Variants in CADM2 observed in about 807,000 individuals in gnomAD.
The protein encoded by CADM2 is immunoglobulin superfamily member 4D.
In CADM2, 12 loss-of-function variants were observed where a neutral mutation model predicts 49.8. The observed-to-expected ratio is 0.24, with a 90% CI of 0.15 to 0.39. The LOEUF is 0.39. Among genes scored for constraint, CADM2 ranks in the 10% least tolerant of loss-of-function variants. The pLI is 1.00. For synonymous variants in CADM2, 214 were observed against 175.4 expected (o/e 1.22, Z -1.74); for missense variants, 378 against 492.3 (o/e 0.77, Z 2.20).
intron 3 of CADM2, among the ~76,000 whole-genome samples, chr3:85,867,818 C>A (rs546207065): frequency 2.0e-5 from 3 of 152,126 alleles, no homozygotes; most frequent in South Asian, 2.1e-4. Flanking sequence ...TATAAGAAGA[C>A]CTTCACGTGA....
At chr3:85,878,022 GT>G (rs1712181611) in intron 3 of CADM2, among the ~76,000 whole-genome samples, 1 of 152,008 alleles carries the variant, frequency 6.6e-6, no homozygotes, top group African/African-American at 2.4e-5. Context: ...CATCATAAGT[GT>G]TTGTGAACTT....
chr3:85,129,450 C>A (rs1318418030), intron 1 of CADM2, among the ~76,000 whole-genome samples: 1 of 152,072 alleles, frequency 6.6e-6, no homozygotes, highest in East Asian at 1.9e-4. Flanking sequence ...TTTTCTCTTT[C>A]TTTCCTGTAA....
chr3:85,488,412 G>A (rs574521706), intron 1 of CADM2, among the ~76,000 whole-genome samples: 24 of 152,280 alleles, frequency 1.6e-4, no homozygotes, highest in Non-Finnish European at 2.9e-4. Flanking sequence ...CATGGTAGCC[G>A]TGATGGGAAT....
At chr3:85,453,438 C>A (rs1277902394) in intron 1 of CADM2, among the ~76,000 whole-genome samples, 1 of 151,996 alleles carries the variant, frequency 6.6e-6, no homozygotes, top group East Asian at 1.9e-4. Context: ...AAGAGACCCT[C>A]TTCAATTCAC....
intron 1 of CADM2, among the ~76,000 whole-genome samples, chr3:85,359,250 T>C (rs969312893): frequency 1.3e-5 from 2 of 152,116 alleles, no homozygotes; most frequent in African/African-American, 4.8e-5. Context: ...TGTTATGCCT[T>C]TGTTGAGATT....
chr3:85,701,858 AAGATAGAT>A (rs56934991), intron 1 of CADM2, among the ~76,000 whole-genome samples: 22,499 of 146,666 alleles, frequency 0.15, 1,816 homozygotes, highest in African/African-American at 0.2. Flanking sequence ...TCTGTTGTAA[AAGATAGAT>A]AGATAGATAG....
intron 1 of CADM2, among the ~76,000 whole-genome samples, chr3:85,086,722 TG>T (rs2107513540): frequency 6.6e-6 from 1 of 152,142 alleles, no homozygotes; most frequent in South Asian, 2.1e-4. Flanking sequence ...TTGGCCAGGC[TG>T]GTCTGGAACT....
chr3:85,424,738 T>C (rs1458760301), intron 1 of CADM2, among the ~76,000 whole-genome samples: 1 of 152,224 alleles, frequency 6.6e-6, no homozygotes, highest in Non-Finnish European at 1.5e-5. Context: ...TACTTAAAAA[T>C]CTCTTTGATT....
chr3:85,380,334 G>T (rs2033831525), intron 1 of CADM2, among the ~76,000 whole-genome samples: 1 of 151,706 alleles, frequency 6.6e-6, no homozygotes, highest in South Asian at 2.1e-4. Flanking sequence ...TATAAATGTT[G>T]CTTTTTTTGC....
At chr3:85,174,872 G>T (rs2040734586) in intron 1 of CADM2, among the ~76,000 whole-genome samples, 2 of 152,242 alleles carry the variant, frequency 1.3e-5, no homozygotes, top group South Asian at 2.1e-4. Flanking sequence ...AGTTTACTGT[G>T]TGATTCTAGA....
At chr3:85,112,263 C>T (rs1436743758) in intron 1 of CADM2, among the ~76,000 whole-genome samples, 1 of 151,808 alleles carries the variant, frequency 6.6e-6, no homozygotes, top group African/African-American at 2.4e-5. Context: ...AAACATGCTG[C>T]CCAGTATGTG....
chr3:85,854,323 T>A (rs1306402509), intron 3 of CADM2, among the ~76,000 whole-genome samples: 1 of 152,158 alleles, frequency 6.6e-6, no homozygotes, highest in Middle Eastern at 3.2e-3. Context: ...TAAAGACACA[T>A]GCACTCGTAT....
At chr3:85,885,018 C>T in intron 4 of CADM2, among the ~76,000 whole-genome samples, 1 of 151,338 alleles carries the variant, frequency 6.6e-6, no homozygotes. Flanking sequence ...CGTACCTGGC[C>T]ATAAAATACA....
At chr3:85,324,265 G>GTA (rs2044690294) in intron 1 of CADM2, among the ~76,000 whole-genome samples, 1 of 152,070 alleles carries the variant, frequency 6.6e-6, no homozygotes, top group East Asian at 1.9e-4. Context: ...CTTCCTAATA[G>GTA]TATATAGGAA....
intron 1 of CADM2, among the ~76,000 whole-genome samples, chr3:85,446,918 G>A (rs2037484628): frequency 6.9e-6 from 1 of 144,288 alleles, no homozygotes; most frequent in Non-Finnish European, 1.5e-5. Context: ...GATTTTTAGT[G>A]CCTCTTCAGT....
intron 1 of CADM2, among the ~76,000 whole-genome samples, chr3:85,515,646 A>G (rs1306286082): frequency 1.8e-5 from 2 of 108,450 alleles, no homozygotes; most frequent in African/African-American, 4.1e-5. Context: ...TTTTTTTTGT[A>G]TCTTTAGTAG....
chr3:85,376,023 A>C (rs1318078167), intron 1 of CADM2, among the ~76,000 whole-genome samples: 1 of 152,126 alleles, frequency 6.6e-6, no homozygotes, highest in African/African-American at 2.4e-5. Context: ...GCATTATGTA[A>C]TTTAATCTTT....
At chr3:85,999,055 T>A (rs1205018690) in intron 8 of CADM2, among the ~76,000 whole-genome samples, 2 of 152,162 alleles carry the variant, frequency 1.3e-5, no homozygotes, top group African/African-American at 4.8e-5. Flanking sequence ...CATTTAAACA[T>A]GCAGAGTTTT....
In CADM2 at chr3:85,372,460, T is replaced by A. The variant is rs6771423; in HGVS notation, c.62-354062T>A. On this transcript the variant is annotated intron_variant, in intron 1 of 9. Coordinates refer to ENST00000383699, the MANE Select transcript of CADM2 (RefSeq NM_001167675.2). ...GTATATATGTGTATATATGTATATA[T>A]ATGAGATCAAAATGTATGAATTTTA... Among the ~76,000 whole-genome samples the A allele has an allele frequency of 5.5e-3, 821 of 148,244 alleles. 7 individuals carry two copies. The highest frequency in any genetic ancestry group is 0.017 in the African/African-American group (676 of 40,530).
Sources: allele counts gnomAD v4.1 joint callset (sites outside exome capture counted in the v4.1 genomes callset), GRCh38; gene constraint gnomAD v4.1.1; transcripts MANE v1.5; gene names NCBI Gene and HGNC (gene_info 2026-07-23, HGNC 2026-07-21).